Variants in FBLN7 observed in about 807,000 individuals in gnomAD.
FBLN7 encodes fibulin-7.
In FBLN7, 31 loss-of-function variants were observed where a neutral mutation model predicts 44.0. That is an observed-to-expected ratio of 0.70 (90% CI 0.53 to 0.95). The LOEUF (loss-of-function observed/expected upper bound fraction) is 0.95, where lower values mean the gene tolerates loss of function less well. Ranked by LOEUF, FBLN7 falls within the 40% of genes least tolerant of loss-of-function variation. FBLN7 has a pLI of 0.00. For synonymous variants in FBLN7, 262 were observed against 253.4 expected (o/e 1.03, Z -0.32); for missense variants, 573 against 618.5 (o/e 0.93, Z 0.78).
At chr2:112,154,748 A>G (rs1210007391) in intron 1 of FBLN7, among the ~76,000 whole-genome samples, 1 of 152,128 alleles carries the variant, frequency 6.6e-6, no homozygotes, top group Non-Finnish European at 1.5e-5. Context: ...GCCTGCTTCC[A>G]TGCATGGCTC....
chr2:112,201,861 A>C, the FBLN7 span, among the ~76,000 whole-genome samples: 4 of 152,210 alleles, frequency 2.6e-5, no homozygotes, highest in South Asian at 8.3e-4. Context: ...TACATGAGGA[A>C]GTTTAAATTG....
At chr2:112,205,361 T>C in the FBLN7 span, among the ~76,000 whole-genome samples, 7 of 152,070 alleles carry the variant, frequency 4.6e-5, no homozygotes, top group African/African-American at 1.2e-4. Flanking sequence ...ATTAAGTGTA[T>C]TTGGACTGTT....
chr2:112,151,474 A>G (rs1681158103), intron 1 of FBLN7: 1 of 152,146 alleles, frequency 6.6e-6, no homozygotes, highest in Non-Finnish European at 1.5e-5. Context: ...TGTATTTCCC[A>G]AAGACAGAGG....
chr2:112,226,921 CAT>C, the FBLN7 span, among the ~76,000 whole-genome samples: 1 of 152,058 alleles, frequency 6.6e-6, no homozygotes, highest in Non-Finnish European at 1.5e-5. Flanking sequence ...ACTAATATAT[CAT>C]GTGAATAAAA....
At chr2:112,181,174 G>A (rs1682973992) in intron 4 of FBLN7, among the ~76,000 whole-genome samples, 1 of 152,010 alleles carries the variant, frequency 6.6e-6, no homozygotes, top group Non-Finnish European at 1.5e-5. Flanking sequence ...AACAGACACT[G>A]GGTCTACTTG....
the FBLN7 span, among the ~76,000 whole-genome samples, chr2:112,239,381 C>T: frequency 6.6e-6 from 1 of 152,080 alleles, no homozygotes; most frequent in Non-Finnish European, 1.5e-5. Flanking sequence ...TCAAAGGGCT[C>T]CTATTCTGAT....
intron 6 of FBLN7, among the ~76,000 whole-genome samples, chr2:112,184,846 C>CAT (rs140335459): frequency 0.13 from 18,837 of 147,736 alleles, 1,669 homozygotes; most frequent in African/African-American, 0.26. Flanking sequence ...TACACACACA[C>CAT]ATATATATAT....
chr2:112,210,409 A>C, the FBLN7 span, among the ~76,000 whole-genome samples: 2 of 152,218 alleles, frequency 1.3e-5, no homozygotes, highest in East Asian at 3.9e-4. Flanking sequence ...TAACCCCAGC[A>C]CTTTGGGAGG....
Position 112,165,185 on chromosome 2 carries a change from T to C in FBLN7, c.406+14T>C. 2 of 1,613,374 alleles carry C rather than the reference T, an allele frequency of 1.2e-6. No homozygotes were observed. Among genetic ancestry groups the C allele is most frequent in the East Asian group, 4.5e-5 (2 of 44,842 alleles). ...CCCACTGTAGAGGTATCGTCTCTCCTTCCCATCCCACTGCGCTGGACCCAT... is the reference window on the plus strand; with the variant it reads ...CCCACTGTAGAGGTATCGTCTCTCCCTCCCATCCCACTGCGCTGGACCCAT... On this transcript the variant is annotated intron_variant, in intron 3 of 7. Transcript: ENST00000331203.
the FBLN7 span, among the ~76,000 whole-genome samples, chr2:112,202,208 T>C: frequency 6.6e-6 from 1 of 152,148 alleles, no homozygotes; most frequent in Admixed American, 6.5e-5. Context: ...CTAACAGTCA[T>C]GTGCACTTTA....
chr2:112,139,036 C>T (rs1680503149), intron 1 of FBLN7, among the ~76,000 whole-genome samples: 1 of 83,698 alleles, frequency 1.2e-5, no homozygotes, highest in African/African-American at 5.2e-5. Flanking sequence ...CCGCCTCTCT[C>T]CAGGCCAGCG....
intron 1 of FBLN7, among the ~76,000 whole-genome samples, chr2:112,140,621 GC>G (rs1680595773): frequency 6.6e-6 from 1 of 152,216 alleles, no homozygotes; most frequent in Non-Finnish European, 1.5e-5. Context: ...TTCTCAGGGA[GC>G]TATGAGACAT....
Position 112,185,262 on chromosome 2 carries a change from C to G in FBLN7, c.870C>G (p.Thr290=), listed in dbSNP as rs370641244. 3.9e-5 allele frequency: 63 copies of G among 1,613,872 alleles called. No homozygotes were observed. Among genetic ancestry groups the G allele is most frequent in the Non-Finnish European group, 5.3e-5 (63 of 1,179,918 alleles). The change falls in exon 7 of 8, where the codon ACC becomes ACG. Residue 290 remains threonine, a synonymous_variant. Coordinates refer to ENST00000331203, the MANE Select transcript of FBLN7 (RefSeq NM_153214.3). The part of the protein sequence containing the change: ...VCPQGTTCIN[T]GGSFQCVSPE... ...CCCAGGGGACCACATGCATCAACAC[C>G]GGTGGAAGCTTCCAGTGTGTCAGCC...
At chr2:112,151,015 C>T (rs1681132316) in intron 1 of FBLN7, among the ~76,000 whole-genome samples, 1 of 152,120 alleles carries the variant, frequency 6.6e-6, no homozygotes, top group Non-Finnish European at 1.5e-5. Context: ...ACTTCTAAGT[C>T]GAAGTGGAAA....
At chr2:112,152,595 G>A (rs1255418754) in intron 1 of FBLN7, 1 of 152,208 alleles carries the variant, frequency 6.6e-6, no homozygotes, top group Admixed American at 6.5e-5. Context: ...GTTTAGATAC[G>A]ACTAGCATTT....
the FBLN7 span, chr2:112,238,731 C>T: frequency 6.9e-6 from 3 of 437,896 alleles, no homozygotes; most frequent in South Asian, 8.1e-5. Context: ...GAATTAAAAA[C>T]AAACTAACAA....
chr2:112,239,798 T>C, the FBLN7 span, among the ~76,000 whole-genome samples: 1 of 152,176 alleles, frequency 6.6e-6, no homozygotes, highest in Non-Finnish European at 1.5e-5. Context: ...TTGGCCAGGC[T>C]GGTCCTGAAC....
chr2:112,221,353 C>T, the FBLN7 span, among the ~76,000 whole-genome samples: 1 of 152,026 alleles, frequency 6.6e-6, no homozygotes, highest in Non-Finnish European at 1.5e-5. Flanking sequence ...CCTCCCCACT[C>T]TCTCTCTCTT....
At chr2:112,209,005 A>G in the FBLN7 span, among the ~76,000 whole-genome samples, 28 of 152,276 alleles carry the variant, frequency 1.8e-4, no homozygotes, top group East Asian at 4.8e-3. Context: ...TGGTTCCCTT[A>G]AAAATGCATA....
Sources: gnomAD v4.1 joint callset for allele counts (sites outside exome capture counted in the v4.1 genomes callset) on GRCh38, gnomAD v4.1.1 for gene constraint, MANE v1.5 for transcripts, NCBI Gene and HGNC (gene_info 2026-07-23, HGNC 2026-07-21) for gene names.